CTCF: variants seen among roughly 807,000 people sequenced by gnomAD.
The protein encoded by CTCF is CCCTC-binding factor, also known as transcriptional repressor CTCF.
Under a neutral mutation model 72.3 loss-of-function variants are expected in CTCF, and 7 were observed. The ratio of observed to expected loss-of-function variants is 0.10; its 90% confidence interval spans 0.06 to 0.18. The LOEUF (loss-of-function observed/expected upper bound fraction) is 0.18, where lower values mean the gene tolerates loss of function less well. CTCF is among the 10% of genes least tolerant of loss of function. CTCF has a pLI of 1.00. For missense variants in CTCF, 516 were observed against 949.1 expected, an observed-to-expected ratio of 0.54 and a Z score of 6.00; for synonymous variants, 374 against 315.8, an observed-to-expected ratio of 1.18 and a Z score of -1.95.
chr16:67,588,789 C>T (rs980186896), intron 2 of CTCF, among the ~76,000 whole-genome samples: 3 of 152,084 alleles, frequency 2.0e-5, no homozygotes, highest in East Asian at 3.9e-4. Context: ...TGGGTTCAAG[C>T]GATTCTCATG....
chr16:67,570,490 C>G (rs1197795590), intron 1 of CTCF, among the ~76,000 whole-genome samples: 1 of 151,768 alleles, frequency 6.6e-6, no homozygotes, highest in Non-Finnish European at 1.5e-5. Context: ...GCTCTGTCGC[C>G]CAGGCTGGAG....
intron 2 of CTCF, among the ~76,000 whole-genome samples, chr16:67,575,474 C>G (rs2051482959): frequency 6.6e-6 from 1 of 151,904 alleles, no homozygotes; most frequent in South Asian, 2.1e-4. Flanking sequence ...GAGATGGAGT[C>G]TCGCTCTGTC....
intron 2 of CTCF, among the ~76,000 whole-genome samples, chr16:67,605,826 A>G (rs1241561047): frequency 2.0e-5 from 3 of 152,210 alleles, no homozygotes; most frequent in African/African-American, 7.2e-5. Context: ...GAGTGAAGAC[A>G]GGGAGATGAC....
intron 2 of CTCF, among the ~76,000 whole-genome samples, chr16:67,603,593 G>A (rs1338933535): frequency 6.6e-6 from 1 of 151,856 alleles, no homozygotes; most frequent in Non-Finnish European, 1.5e-5. Context: ...GGGAGGCCAA[G>A]GCGGGCGGAT....
intron 2 of CTCF, among the ~76,000 whole-genome samples, chr16:67,580,110 T>G (rs929992508): frequency 3.3e-5 from 5 of 152,216 alleles, no homozygotes; most frequent in African/African-American, 1.2e-4. Context: ...GGAAACTGTT[T>G]AGAAGGCCAT....
intron 2 of CTCF, among the ~76,000 whole-genome samples, chr16:67,609,859 C>G (rs1567607902): frequency 6.6e-6 from 1 of 152,136 alleles, no homozygotes; most frequent in East Asian, 1.9e-4. Flanking sequence ...CTCCTGACCT[C>G]CGGTAATCTG....
intron 2 of CTCF, among the ~76,000 whole-genome samples, chr16:67,590,637 C>G (rs2051729814): frequency 6.6e-6 from 1 of 151,532 alleles, no homozygotes; most frequent in Non-Finnish European, 1.5e-5. Flanking sequence ...GTGCCCGGCC[C>G]TAACTGTTCT....
intron 2 of CTCF, among the ~76,000 whole-genome samples, chr16:67,603,567 G>A (rs2051927125): frequency 6.6e-6 from 1 of 151,528 alleles, no homozygotes; most frequent in South Asian, 2.1e-4. Context: ...GCTCACACCT[G>A]TAATCCTGGT....
At chr16:67,583,682 G>T (rs2051620926) in intron 2 of CTCF, among the ~76,000 whole-genome samples, 1 of 149,142 alleles carries the variant, frequency 6.7e-6, no homozygotes, top group Admixed American at 6.7e-5. Context: ...GTGAGTTTTG[G>T]TCTCAAAAAA....
chr16:67,611,280 A>G lies in CTCF; in HGVS notation c.448A>G (p.Ser150Gly), dbSNP rs373511929. 2 of 1,614,166 alleles carry G rather than the reference A, an allele frequency of 1.2e-6. No individual in the cohort carries two copies. Among genetic ancestry groups the G allele is most frequent in the African/African-American group, 1.3e-5 (1 of 75,038 alleles). ...AGTGTCTAAAGAGGGCCTTGCGGAAAGTGAACCCATGATATGCCACACCCT... is the reference window on the plus strand; with the variant it reads ...AGTGTCTAAAGAGGGCCTTGCGGAAGGTGAACCCATGATATGCCACACCCT... ...NEVSKEGLAESEPMICHTLPL... is the reference protein window; with the variant it reads ...NEVSKEGLAEGEPMICHTLPL... The change falls in exon 3 of 12, where the codon AGT becomes GGT. Residue 150 changes from serine to glycine, a missense_variant. By Grantham distance (56) the Ser-to-Gly change is moderately conservative. This residue lies in a region of CTCF where 148 missense variants were observed against 194.9 expected (regional missense o/e 0.76). Transcript: ENST00000264010.
chr16:67,579,347 TTG>T (rs2051548463), intron 2 of CTCF, among the ~76,000 whole-genome samples: 1 of 151,952 alleles, frequency 6.6e-6, no homozygotes, highest in African/African-American at 2.4e-5. Flanking sequence ...TTTTCAATCT[TTG>T]TTTTTTTTTG....
intron 1 of CTCF, among the ~76,000 whole-genome samples, chr16:67,570,076 A>AT (rs59964661): frequency 0.045 from 6,182 of 138,138 alleles, 334 homozygotes; most frequent in African/African-American, 0.13. Context: ...ATAAGAATTA[A>AT]TTTTTTTTTT....
At chr16:67,601,262 TTG>T (rs1196805387) in intron 2 of CTCF, among the ~76,000 whole-genome samples, 17 of 144,192 alleles carry the variant, frequency 1.2e-4, no homozygotes, top group African/African-American at 3.6e-4. Context: ...GTGTTTTGTT[TTG>T]TTTTTTAAGA....
intron 5 of CTCF, 68 bp downstream of exon 5, chr16:67,616,946 A>G: frequency 6.6e-7 from 1 of 1,517,446 alleles, no homozygotes; most frequent in Non-Finnish European, 9.1e-7. Flanking sequence ...ACAAAGCTAT[A>G]ACTACTACCC....
At chr16:67,579,438 A>C (rs1265166707) in intron 2 of CTCF, among the ~76,000 whole-genome samples, 1 of 151,384 alleles carries the variant, frequency 6.6e-6, no homozygotes, top group African/African-American at 2.4e-5. Flanking sequence ...GGCTCACTGC[A>C]ATCCTTGCTT....
At chr16:67,590,313 T>C (rs1016863919) in intron 2 of CTCF, among the ~76,000 whole-genome samples, 2 of 152,064 alleles carry the variant, frequency 1.3e-5, no homozygotes, top group Non-Finnish European at 2.9e-5. Context: ...GTGGGCTTTC[T>C]TCAAGTAGCT....
intron 7 of CTCF, among the ~76,000 whole-genome samples, chr16:67,624,252 T>C (rs568985300): frequency 6.6e-6 from 1 of 152,018 alleles, no homozygotes; most frequent in African/African-American, 2.4e-5. Context: ...AGCCAGCCTT[T>C]ATGAAGAGTT....
chr16:67,588,701 T>G (rs1314675775), intron 2 of CTCF, among the ~76,000 whole-genome samples: 1 of 152,106 alleles, frequency 6.6e-6, no homozygotes, highest in Non-Finnish European at 1.5e-5. Context: ...ATATATATTT[T>G]TTTGATACAG....
chr16:67,606,055 C>G (rs1451222349), intron 2 of CTCF, among the ~76,000 whole-genome samples: 1 of 152,192 alleles, frequency 6.6e-6, no homozygotes, highest in Non-Finnish European at 1.5e-5. Context: ...CTTTACTTCT[C>G]TGCCCAGAAA....
Sources: gnomAD v4.1 joint callset for allele counts (sites outside exome capture counted in the v4.1 genomes callset) on GRCh38, gnomAD v4.1.1 for gene constraint, gnomAD v4.1.1 regional missense constraint, MANE v1.5 for transcripts, NCBI Gene and HGNC (gene_info 2026-07-23, HGNC 2026-07-21) for gene names.